The following RBFOX1 variants were observed in gnomAD, a reference collection of about 807,000 sequenced individuals.
The protein encoded by RBFOX1 is RNA binding fox-1 homolog 1, also known as RNA binding protein fox-1 homolog 1.
RBFOX1 carries 8 observed loss-of-function variants against 57.7 expected under a neutral mutation model. That is an observed-to-expected ratio of 0.14 (90% CI 0.08 to 0.25). The LOEUF is 0.25. Ranked by LOEUF, RBFOX1 falls within the 10% of genes least tolerant of loss-of-function variation. The pLI is 1.00. For synonymous variants in RBFOX1, 326 were observed against 222.4 expected, an observed-to-expected ratio of 1.47 and a Z score of -4.15; for missense variants, 611 against 548.5, an observed-to-expected ratio of 1.11 and a Z score of -1.14.
intron 1 of RBFOX1, among the ~76,000 whole-genome samples, chr16:5,406,837 C>G (rs973481749): frequency 6.6e-6 from 1 of 152,094 alleles, no homozygotes; most frequent in Non-Finnish European, 1.5e-5. Context: ...GGCACATAGT[C>G]AGATCCGTGG....
chr16:6,559,091 C>T (rs960150365), intron 2 of RBFOX1, among the ~76,000 whole-genome samples: 10 of 149,606 alleles, frequency 6.7e-5, no homozygotes, highest in African/African-American at 1.0e-4. Flanking sequence ...TTGTACTTTT[C>T]CTCCAGTTTA....
intron 3 of RBFOX1, among the ~76,000 whole-genome samples, chr16:6,796,808 T>C (rs1284902104): frequency 1.3e-5 from 2 of 152,222 alleles, no homozygotes; most frequent in Non-Finnish European, 2.9e-5. Context: ...GTCATAAATA[T>C]CTACATTGTT....
chr16:6,915,009 C>T (rs1476161029), intron 3 of RBFOX1, among the ~76,000 whole-genome samples: 1 of 152,150 alleles, frequency 6.6e-6, no homozygotes, highest in Non-Finnish European at 1.5e-5. Context: ...GCAAGCAGGC[C>T]CAGGGTGGTG....
chr16:7,510,186 C>G (rs1600434206), intron 4 of RBFOX1: 1 of 985,872 alleles, frequency 1.0e-6, no homozygotes, highest in Non-Finnish European at 1.2e-6. Context: ...CCCCGATCAT[C>G]CACACATTGC....
rs550340769 is a variant in RBFOX1, at chr16:5,274,214, C to A, written c.219+34109C>A. On this transcript the variant is annotated intron_variant, in intron 1 of 2. Coordinates refer to the RBFOX1 transcript ENST00000585867. ...AACCCACAGAAGAAGAAGGTTCCAG[C>A]ATCACTTCCGGCCTCTCAAGAGTGA... 2.0e-5 allele frequency among the ~76,000 whole-genome samples: 3 copies of A among 152,274 alleles called. No individual in the cohort carries two copies. The South Asian group carries it at 6.2e-4, about 32-fold the overall frequency.
intron 4 of RBFOX1, among the ~76,000 whole-genome samples, chr16:7,289,906 T>G (rs1009599376): frequency 1.3e-5 from 2 of 152,194 alleles, no homozygotes; most frequent in East Asian, 1.9e-4. Context: ...CCAGGAGGTC[T>G]GCCTCCCTAG....
chr16:6,967,588 C>G (rs961992784), intron 3 of RBFOX1, among the ~76,000 whole-genome samples: 1 of 152,136 alleles, frequency 6.6e-6, no homozygotes, highest in African/African-American at 2.4e-5. Context: ...TCATCAGCTT[C>G]TCTAGTTCAC....
chr16:5,732,838 CG>C (rs1200447145), intron 3 of RBFOX1, among the ~76,000 whole-genome samples: 1 of 151,948 alleles, frequency 6.6e-6, no homozygotes, highest in Non-Finnish European at 1.5e-5. Flanking sequence ...AGTCTTCAAC[CG>C]TGTCTTCATG....
At chr16:6,067,952 C>G (rs1187227686) in intron 1 of RBFOX1, among the ~76,000 whole-genome samples, 1 of 152,098 alleles carries the variant, frequency 6.6e-6, no homozygotes, top group Non-Finnish European at 1.5e-5. Context: ...ATCCAACTAG[C>G]CTTTGTGTGA....
At chr16:6,902,549 C>T (rs1293326939) in intron 3 of RBFOX1, among the ~76,000 whole-genome samples, 4 of 152,128 alleles carry the variant, frequency 2.6e-5, no homozygotes, top group African/African-American at 9.7e-5. Context: ...TGGTAATGCC[C>T]TGTCACTACT....
At chr16:5,938,441 G>A (rs1476742787) in intron 4 of RBFOX1, among the ~76,000 whole-genome samples, 1 of 152,132 alleles carries the variant, frequency 6.6e-6, no homozygotes, top group Non-Finnish European at 1.5e-5. Context: ...GATGGTGATG[G>A]TCATGTTGCA....
chr16:5,569,933 T>C (rs1233679869), intron 2 of RBFOX1, among the ~76,000 whole-genome samples: 2 of 152,212 alleles, frequency 1.3e-5, no homozygotes, highest in Non-Finnish European at 2.9e-5. Context: ...ATTGCAGATA[T>C]CATAAAGATT....
chr16:7,006,621 C>T (rs977019686), intron 3 of RBFOX1, among the ~76,000 whole-genome samples: 4 of 151,992 alleles, frequency 2.6e-5, no homozygotes, highest in South Asian at 2.1e-4. Context: ...GGCTTGGTTT[C>T]GGGTTTTATA....
At chr16:7,376,315 C>A (rs2097685302) in intron 4 of RBFOX1, among the ~76,000 whole-genome samples, 1 of 152,278 alleles carries the variant, frequency 6.6e-6, no homozygotes, top group Middle Eastern at 3.4e-3. Context: ...TAAAATTTCT[C>A]AAATGTATTC....
intron 2 of RBFOX1, among the ~76,000 whole-genome samples, chr16:6,601,303 C>T (rs113472555): frequency 3.7e-4 from 57 of 152,136 alleles, no homozygotes; most frequent in African/African-American, 1.3e-3. Flanking sequence ...ATTTAAGCTT[C>T]TTACACTCTC....
chr16:6,357,273 A>G (rs937670380), intron 2 of RBFOX1, among the ~76,000 whole-genome samples: 1 of 152,076 alleles, frequency 6.6e-6, no homozygotes, highest in African/African-American at 2.4e-5. Flanking sequence ...GAGAAGAAAA[A>G]TGGTGCATGT....
intron 1 of RBFOX1, among the ~76,000 whole-genome samples, chr16:6,070,863 A>G (rs2095828632): frequency 6.6e-6 from 1 of 151,434 alleles, no homozygotes; most frequent in Non-Finnish European, 1.5e-5. Context: ...ACAAAGAATC[A>G]TTTGACAGTA....
At chr16:6,584,217 G>C (rs1271245797) in intron 2 of RBFOX1, among the ~76,000 whole-genome samples, 1 of 151,750 alleles carries the variant, frequency 6.6e-6, no homozygotes, top group Non-Finnish European at 1.5e-5. Context: ...TCTTGTAGAT[G>C]AAGTTTTAGG....
chr16:7,341,035 C>T (rs192405525), intron 4 of RBFOX1, among the ~76,000 whole-genome samples: 30 of 152,262 alleles, frequency 2.0e-4, no homozygotes, highest in African/African-American at 6.7e-4. Flanking sequence ...GATGGTGGAG[C>T]AGAGTCCCCT....
Sources: allele counts gnomAD v4.1 joint callset (sites outside exome capture counted in the v4.1 genomes callset), GRCh38; gene constraint gnomAD v4.1.1; transcripts MANE v1.5; gene names NCBI Gene and HGNC (gene_info 2026-07-23, HGNC 2026-07-21).